Variants in ITIH6 observed in about 807,000 individuals in gnomAD.
The protein encoded by ITIH6 is inter-alpha-trypsin inhibitor heavy chain H6.
A neutral mutation model predicts 58.2 loss-of-function variants in ITIH6; 60 were observed. That is an observed-to-expected ratio of 1.03 (90% CI 0.84 to 1.28). ITIH6 has a LOEUF of 1.28. ITIH6 is among the 50% of genes most tolerant of loss of function. The pLI, the probability that ITIH6 is intolerant of heterozygous loss-of-function variation, is 0.00. For synonymous variants in ITIH6, 493 were observed against 417.4 expected, an observed-to-expected ratio of 1.18 and a Z score of -2.21; for missense variants, 1,290 against 1,021.1, an observed-to-expected ratio of 1.26 and a Z score of -3.59.
chrX:54,786,934 C>T (rs781377664), intron 5 of ITIH6, among the ~76,000 whole-genome samples: 16 of 111,416 alleles, frequency 1.4e-4, no homozygotes, highest in South Asian at 7.6e-4. Flanking sequence ...GGGCTTTGAA[C>T]GAAGGGCACA....
intron 1 of ITIH6, 135 bp from the exon 2 acceptor site, chrX:54,797,231 A>G: frequency 2.3e-6 from 1 of 441,912 alleles, no homozygotes; most frequent in Non-Finnish European, 3.7e-6. Context: ...AGAGAGGGAA[A>G]ACAACCTCTG....
In ITIH6 at chrX:54,788,599, C is replaced by A. The variant is rs1319045767; in HGVS notation, c.667G>T (p.Val223Phe). 2 of 1,208,039 alleles carry A rather than the reference C, an allele frequency of 1.7e-6. No homozygotes were observed. Among genetic ancestry groups the A allele is most frequent in the South Asian group, 1.8e-5 (1 of 56,595 alleles). Residue 223 changes from valine (V) to phenylalanine (F), a missense_variant, in exon 5 of 13, where the codon GTC (valine) becomes TTC (phenylalanine). Coordinates refer to ENST00000218436, the MANE Select transcript of ITIH6 (RefSeq NM_198510.3). ...AATGTCGGGCAGTAGGTGATTCGGACACAGGTCTCTCCCCTCTCGATCCTG... is the reference window on the plus strand; with the variant it reads ...AATGTCGGGCAGTAGGTGATTCGGAAACAGGTCTCTCCCCTCTCGATCCTG... ...STRIERGETC[V>F]RITYCPTLQD...
At chrX:54,773,210 G>T (rs1191909810) in intron 6 of ITIH6, among the ~76,000 whole-genome samples, 1 of 111,615 alleles carries the variant, frequency 9.0e-6, no homozygotes, top group Non-Finnish European at 1.9e-5. Context: ...TTATGAGGAG[G>T]TCTCAATCTT....
chrX:54,749,746 C>G lies in ITIH6; in HGVS notation c.*149G>C. 8.8e-6 allele frequency: 4 copies of G among 454,095 alleles called. No homozygotes were observed. The South Asian group carries it at 1.5e-4, about 17-fold the overall frequency. The allele number at this position is 454,095 out of a possible 1,213,427, so 37.4% of individuals were successfully genotyped here. A position where few individuals can be genotyped will look rare whatever the true frequency, so the allele number is the denominator to read the frequency against. ...TCTGCATGTCTATGTGTTTGTATAC[C>G]CTTGTATATGTGTTCCTTAGAACAT... On this transcript the variant is annotated 3_prime_UTR_variant, in exon 13 of 13. Transcript: ENST00000218436.
At chrX:54,762,339 C>T (rs752271314) in intron 6 of ITIH6, among the ~76,000 whole-genome samples, 4 of 111,568 alleles carry the variant, frequency 3.6e-5, no homozygotes, top group African/African-American at 1.3e-4. Flanking sequence ...AGATTTTGGG[C>T]TAAGACAATG....
At chrX:54,762,762 A>G (rs1052416997) in intron 6 of ITIH6, among the ~76,000 whole-genome samples, 7 of 112,118 alleles carry the variant, frequency 6.2e-5, no homozygotes, top group Non-Finnish European at 1.3e-4. Context: ...AGAAGGGCTT[A>G]TAATGTTGCT....
At chrX:54,789,329 C>CT (rs1569544330) in intron 4 of ITIH6, among the ~76,000 whole-genome samples, 1 of 111,464 alleles carries the variant, frequency 9.0e-6, no homozygotes, top group African/African-American at 3.3e-5. Context: ...ACTGTGCCTC[C>CT]TTTTTTTCCA....
At chrX:54,763,173 C>A (rs1218405368) in intron 6 of ITIH6, among the ~76,000 whole-genome samples, 3 of 111,954 alleles carry the variant, frequency 2.7e-5, no homozygotes, top group Non-Finnish European at 5.6e-5. Flanking sequence ...TGAGACCCAC[C>A]TTTCTCTATA....
chrX:54,768,706 C>G (rs1928864597), intron 6 of ITIH6, among the ~76,000 whole-genome samples: 1 of 103,844 alleles, frequency 9.6e-6, no homozygotes, highest in African/African-American at 3.7e-5. Flanking sequence ...GAATATTGGC[C>G]CCCACTCTCT....
At chrX:54,786,837 C>A (rs192810674) in intron 5 of ITIH6, among the ~76,000 whole-genome samples, 3 of 111,640 alleles carry the variant, frequency 2.7e-5, no homozygotes, top group Non-Finnish European at 5.6e-5. Context: ...GATACCCTTC[C>A]GGGTTCCCAA....
At chrX:54,792,980 C>G (rs1284606945) in intron 2 of ITIH6, among the ~76,000 whole-genome samples, 1 of 109,866 alleles carries the variant, frequency 9.1e-6, no homozygotes, top group Admixed American at 9.7e-5. Context: ...CTCCCTCCCT[C>G]TCCCCTTCTG....
chrX:54,788,657 G>C lies in ITIH6; in HGVS notation c.617-8C>G. On this transcript the variant is annotated splice_region_variant and splice_polypyrimidine_tract_variant and intron_variant, in intron 4 of 12. Coordinates refer to ENST00000218436, the MANE Select transcript of ITIH6 (RefSeq NM_198510.3). ...GGGGTGAATCCACCTCACCTGTATGGGTGGGGAGGATCGGGGCGGGGTGGT... is the reference window on the plus strand; with the variant it reads ...GGGGTGAATCCACCTCACCTGTATGCGTGGGGAGGATCGGGGCGGGGTGGT... The C allele has an allele frequency of 1.7e-6, 2 of 1,202,965 alleles. No homozygotes were observed. The highest frequency in any genetic ancestry group is 2.3e-6 in the Non-Finnish European group (2 of 888,196).
At chrX:54,779,976 A>G (rs1293551015) in intron 5 of ITIH6, among the ~76,000 whole-genome samples, 1 of 111,546 alleles carries the variant, frequency 9.0e-6, no homozygotes, top group Non-Finnish European at 1.9e-5. Flanking sequence ...AGAGGATGTA[A>G]CAATTGTGAA....
rs1929355040 is a variant in ITIH6 at position 54,791,913 on chromosome X, G to A, written c.368+13C>T. 1.0e-6 allele frequency: 1 copy of A among 962,917 alleles called. No individual in the cohort carries two copies. The highest frequency in any genetic ancestry group is 1.5e-6 in the Non-Finnish European group (1 of 670,233). The allele number at this position is 962,917 out of a possible 1,213,427, so 79.4% of individuals were successfully genotyped here. ...GATGATTAAGTCATGTTTTGGACTG[G>A]ATGGGGCCTTACCTGATGCCTACAT... On this transcript the variant is annotated intron_variant, in intron 3 of 12. Coordinates refer to ENST00000218436, the MANE Select transcript of ITIH6 (RefSeq NM_198510.3).
At chrX:54,763,419 T>A (rs776028622) in intron 6 of ITIH6, among the ~76,000 whole-genome samples, 19 of 112,158 alleles carry the variant, frequency 1.7e-4, no homozygotes, top group African/African-American at 5.8e-4. Flanking sequence ...GGGAATAGAC[T>A]GTAGAAGTGT....
intron 6 of ITIH6, among the ~76,000 whole-genome samples, chrX:54,766,970 G>A (rs2147608207): frequency 9.1e-6 from 1 of 109,493 alleles, no homozygotes; most frequent in Admixed American, 9.8e-5. Flanking sequence ...AATGGTACCA[G>A]TTCCTCCTTG....
chrX:54,769,140 T>C (rs1186929820), intron 6 of ITIH6, among the ~76,000 whole-genome samples: 48 of 90,369 alleles, frequency 5.3e-4, no homozygotes, highest in African/African-American at 1.8e-3. Context: ...CATCTTCCAT[T>C]GCTGATACCC....
chrX:54,761,787 A>G (rs779239924), intron 6 of ITIH6, among the ~76,000 whole-genome samples: 1,255 of 111,087 alleles, frequency 0.011, 15 homozygotes, highest in African/African-American at 0.038. Flanking sequence ...GTTCTGTTCC[A>G]TTGGTCTATG....
chrX:54,751,588 C>T (rs1017070054), intron 11 of ITIH6, among the ~76,000 whole-genome samples: 5 of 112,063 alleles, frequency 4.5e-5, no homozygotes, highest in South Asian at 7.4e-4. Flanking sequence ...ACGCTTACCC[C>T]AGTGTGGTTG....
Sources: allele counts gnomAD v4.1 joint callset (sites outside exome capture counted in the v4.1 genomes callset), GRCh38; gene constraint gnomAD v4.1.1; transcripts MANE v1.5; gene names NCBI Gene and HGNC (gene_info 2026-07-23, HGNC 2026-07-21).